RGS7: variants seen among roughly 807,000 people sequenced by gnomAD.
The protein encoded by RGS7 is regulator of G protein signaling 7.
RGS7 carries 27 observed loss-of-function variants against 81.1 expected under a neutral mutation model. The ratio of observed to expected loss-of-function variants is 0.33; its 90% CI spans 0.25 to 0.46. The LOEUF (loss-of-function observed/expected upper bound fraction) is 0.46. RGS7 is among the 20% of genes least tolerant of loss of function. The pLI, the probability that RGS7 is intolerant of heterozygous loss-of-function variation, is 1.00. For synonymous variants in RGS7, 208 were observed against 207.7 expected (o/e 1.00, Z -0.01); for missense variants, 396 against 607.4 (o/e 0.65, Z 3.66).
intron 2 of RGS7, among the ~76,000 whole-genome samples, chr1:241,336,613 T>G (rs1294648147): frequency 2.6e-5 from 4 of 152,226 alleles, no homozygotes; most frequent in African/African-American, 9.6e-5. Flanking sequence ...CACTCTGTTT[T>G]GGAACCAAAC....
Position 241,226,189 on chromosome 1 carries a change from GA to G in RGS7, c.79-127428del, listed in dbSNP as rs1345660684. On this transcript the variant is annotated intron_variant, in intron 2 of 18. Transcript: ENST00000440928. ...AAGAAAGATGTTCTCCTAGAAAAAG[GA>G]AAAGAAAAAAAGGAAATCCATCTTA... is the stretch of plus-strand genomic sequence containing the variant. 3.9e-5 allele frequency among the ~76,000 whole-genome samples: 6 copies of G among 151,918 alleles called. 1 individual carries two copies. The highest frequency in any genetic ancestry group is 1.4e-4 in the African/African-American group (6 of 41,494).
intron 2 of RGS7, among the ~76,000 whole-genome samples, chr1:241,185,187 G>A (rs1212261899): frequency 1.3e-5 from 2 of 152,132 alleles, no homozygotes; most frequent in African/African-American, 2.4e-5. Flanking sequence ...TGTCCACATG[G>A]TCTACGTATA....
At chr1:241,139,138 C>T (rs1206696566) in intron 2 of RGS7, among the ~76,000 whole-genome samples, 1 of 151,688 alleles carries the variant, frequency 6.6e-6, no homozygotes, top group Non-Finnish European at 1.5e-5. Flanking sequence ...AGATTGTTCC[C>T]TTCCTCATTC....
At chr1:241,281,374 G>A (rs1461878945) in intron 2 of RGS7, among the ~76,000 whole-genome samples, 2 of 152,186 alleles carry the variant, frequency 1.3e-5, no homozygotes, top group African/African-American at 2.4e-5. Flanking sequence ...CACTTAAAAC[G>A]CTCTTTGTCC....
intron 3 of RGS7, among the ~76,000 whole-genome samples, chr1:241,068,471 A>T (rs188097653): frequency 2.0e-5 from 3 of 151,758 alleles, no homozygotes; most frequent in Admixed American, 6.6e-5. Context: ...CATTACCTAT[A>T]TTCACTCATT....
At chr1:241,286,606 A>G (rs573447754) in intron 2 of RGS7, among the ~76,000 whole-genome samples, 37 of 152,308 alleles carry the variant, frequency 2.4e-4, no homozygotes, top group Admixed American at 7.2e-4. Context: ...CCCAGGAATC[A>G]GTCTGATTCA....
At chr1:241,305,313 C>G (rs770129346) in intron 2 of RGS7, among the ~76,000 whole-genome samples, 7 of 152,142 alleles carry the variant, frequency 4.6e-5, no homozygotes, top group Non-Finnish European at 8.8e-5. Context: ...TATTGAATCT[C>G]CAGTTTCTAG....
rs56232293 is a variant in RGS7, at chr1:240,932,513, C to CTTT, written c.334-1748_334-1746dup. Among the ~76,000 whole-genome samples the CTTT allele has an allele frequency of 5.7e-4, 72 of 126,878 alleles. 4 individuals are homozygous for CTTT. Among genetic ancestry groups the CTTT allele is most frequent in the Admixed American group, 1.7e-3 (20 of 11,880 alleles). 83.2% of individuals were successfully genotyped at this position (126,878 alleles called of 152,430 possible). On this transcript the variant is annotated intron_variant, in intron 5 of 18. Coordinates refer to ENST00000440928, the MANE Select transcript of RGS7 (RefSeq NM_001364886.1). ...AACTTTGCTTTCATGTAGGGTGTCA[C>CTTT]TTTTTTTTTTTTTGAGACAGGGTCT...
At chr1:241,344,383 T>C (rs2082758281) in intron 2 of RGS7, among the ~76,000 whole-genome samples, 1 of 152,248 alleles carries the variant, frequency 6.6e-6, no homozygotes, top group African/African-American at 2.4e-5. Context: ...ATCACTTCCA[T>C]TGGTAGGAAA....
chr1:240,775,127 A>G (rs1682775273), downstream of RGS7, among the ~76,000 whole-genome samples: 1 of 152,222 alleles, frequency 6.6e-6, no homozygotes, highest in African/African-American at 2.4e-5. Context: ...ACACTGAGCT[A>G]TGATATTTTT....
At chr1:241,322,510 G>A (rs375304147) in intron 2 of RGS7, among the ~76,000 whole-genome samples, 21 of 152,166 alleles carry the variant, frequency 1.4e-4, no homozygotes, top group African/African-American at 4.1e-4. Flanking sequence ...TATAAAGAAA[G>A]AGTATTAAAA....
chr1:241,197,415 C>A lies in RGS7; in HGVS notation c.79-98653G>T, dbSNP rs1457044757. The stretch of plus-strand genomic sequence containing the variant: ...GACTACAGGCGCCCGCCACTACGCC[C>A]GGCTAATTTTTTGTATTTTTAGTAG... On this transcript the variant is annotated intron_variant, in intron 2 of 18. Coordinates refer to ENST00000440928, the MANE Select transcript of RGS7 (RefSeq NM_001364886.1). Among the ~76,000 whole-genome samples the A allele has an allele frequency of 5.0e-5, 2 of 40,324 alleles. 1 individual carries two copies. The highest frequency in any genetic ancestry group is 1.2e-3 in the South Asian group (2 of 1,688). The allele number at this position is 40,324 out of a possible 152,430, so 26.5% of individuals were successfully genotyped here.
At chr1:241,229,958 C>A (rs1259595707) in intron 2 of RGS7, among the ~76,000 whole-genome samples, 1 of 152,160 alleles carries the variant, frequency 6.6e-6, no homozygotes, top group Admixed American at 6.5e-5. Context: ...AAACAGATAA[C>A]CTCGGAAGTT....
chr1:240,890,716 C>G (rs1223239832), intron 6 of RGS7, among the ~76,000 whole-genome samples: 1 of 152,084 alleles, frequency 6.6e-6, no homozygotes, highest in Non-Finnish European at 1.5e-5. Flanking sequence ...ATTATTGTTA[C>G]TTCTATTTTT....
chr1:241,235,859 A>G lies in RGS7; in HGVS notation c.78+119840T>C, dbSNP rs79806501. Among the ~76,000 whole-genome samples the G allele has an allele frequency of 4.3e-3, 627 of 144,578 alleles. 5 individuals carry two copies. Among genetic ancestry groups the G allele is most frequent in the African/African-American group, 0.015 (603 of 40,112 alleles). The allele number at this position is 144,578 out of a possible 152,430, so 94.8% of individuals were successfully genotyped here. ...AATTTTCTCATTCCCATTTCCCTCA[A>G]CCTAATATAGGGAGTGAGATACAAG... On this transcript the variant is annotated intron_variant, in intron 2 of 18. Coordinates refer to ENST00000440928, the MANE Select transcript of RGS7 (RefSeq NM_001364886.1).
At chr1:240,932,911 T>C (rs1262509121) in intron 5 of RGS7, among the ~76,000 whole-genome samples, 1 of 116,658 alleles carries the variant, frequency 8.6e-6, no homozygotes, top group East Asian at 2.5e-4. Context: ...TGAGACAGAG[T>C]CTCGCTCTGT....
At chr1:241,231,222 G>A (rs997656210) in intron 2 of RGS7, among the ~76,000 whole-genome samples, 3 of 152,110 alleles carry the variant, frequency 2.0e-5, no homozygotes, top group African/African-American at 7.2e-5. Context: ...GGAGGACTCT[G>A]CCACTGTTTT....
chr1:241,125,805 G>A (rs1236860195), intron 2 of RGS7, among the ~76,000 whole-genome samples: 1 of 152,184 alleles, frequency 6.6e-6, no homozygotes, highest in Non-Finnish European at 1.5e-5. Context: ...ATCAGGGCAG[G>A]CATACATTAA....
At chr1:241,006,439 T>A (rs2058691419) in intron 3 of RGS7, among the ~76,000 whole-genome samples, 1 of 152,174 alleles carries the variant, frequency 6.6e-6, no homozygotes, top group African/African-American at 2.4e-5. Context: ...AAAATGTCTA[T>A]ATCAAGCTCG....
Sources: allele counts gnomAD v4.1 joint callset (sites outside exome capture counted in the v4.1 genomes callset), GRCh38; gene constraint gnomAD v4.1.1; transcripts MANE v1.5; gene names NCBI Gene and HGNC (gene_info 2026-07-23, HGNC 2026-07-21).